Variants in CHODL observed in about 807,000 individuals in gnomAD.
The protein encoded by CHODL is chondrolectin.
CHODL carries 29 observed loss-of-function variants against 34.5 expected under a neutral mutation model. The ratio of observed to expected loss-of-function variants is 0.84; its 90% CI spans 0.63 to 1.15. The LOEUF (loss-of-function observed/expected upper bound fraction) is 1.15. CHODL is among the 50% of genes most tolerant of loss of function. The pLI is 0.00. For synonymous variants in CHODL, 125 were observed against 116.1 expected, an observed-to-expected ratio of 1.08 and a Z score of -0.49; for missense variants, 332 against 332.5, an observed-to-expected ratio of 1.00 and a Z score of 0.01.
At chr21:18,206,469 G>T (rs1361952087) in intron 2 of CHODL, among the ~76,000 whole-genome samples, 1 of 150,234 alleles carries the variant, frequency 6.7e-6, no homozygotes, top group Non-Finnish European at 1.5e-5. Flanking sequence ...GCTCTTTTTT[G>T]GTTTCCACTT....
chr21:18,251,037 C>G (rs2074230038), intron 1 of CHODL, among the ~76,000 whole-genome samples: 1 of 151,384 alleles, frequency 6.6e-6, no homozygotes, highest in Non-Finnish European at 1.5e-5. Flanking sequence ...ACTCAACTAT[C>G]AGAAAATAAA....
chr21:18,215,317 C>G (rs73204807), intron 2 of CHODL, among the ~76,000 whole-genome samples: 7,369 of 152,190 alleles, frequency 0.048, 221 homozygotes, highest in Non-Finnish European at 0.067. Context: ...ACTTCCACCT[C>G]AGGAGATAGG....
chr21:18,207,658 G>GTTTTTTT (rs1601148508), intron 2 of CHODL, among the ~76,000 whole-genome samples: 1 of 36,874 alleles, frequency 2.7e-5, no homozygotes, highest in African/African-American at 1.9e-4. Flanking sequence ...AAATCTCTCA[G>GTTTTTTT]CTTTTTTTTT....
intron 1 of CHODL, among the ~76,000 whole-genome samples, chr21:17,999,095 A>G (rs958623376): frequency 6.6e-6 from 1 of 152,172 alleles, no homozygotes; most frequent in Non-Finnish European, 1.5e-5. Flanking sequence ...TTAGAAATTT[A>G]TTCTGCTAGA....
chr21:18,094,481 A>G (rs990879210), intron 2 of CHODL, among the ~76,000 whole-genome samples: 15 of 152,190 alleles, frequency 9.9e-5, no homozygotes, highest in African/African-American at 3.1e-4. Context: ...CAAGTGTCAA[A>G]ACATTCAAAA....
At chr21:17,968,790 C>A (rs2063592950) in intron 1 of CHODL, among the ~76,000 whole-genome samples, 2 of 152,122 alleles carry the variant, frequency 1.3e-5, no homozygotes, top group Admixed American at 6.6e-5. Flanking sequence ...ATGGAAGAAT[C>A]TTTATTTTAT....
At chr21:18,241,260 A>AAAC (rs1555885222), upstream of CHODL, among the ~76,000 whole-genome samples, 1 of 151,940 alleles carries the variant, frequency 6.6e-6, no homozygotes. Context: ...AAAAAAAAAA[A>AAAC]AACTTTTTGC....
intron 1 of CHODL, among the ~76,000 whole-genome samples, chr21:17,997,678 G>T (rs956116673): frequency 6.6e-6 from 1 of 152,146 alleles, no homozygotes; most frequent in Non-Finnish European, 1.5e-5. Flanking sequence ...GGTGGCAAGA[G>T]AAAAATGAGG....
intron 2 of CHODL, among the ~76,000 whole-genome samples, chr21:18,218,676 A>G (rs930274227): frequency 6.6e-6 from 1 of 152,122 alleles, no homozygotes; most frequent in African/African-American, 2.4e-5. Context: ...CAGGCTGCAA[A>G]AATTCCAAAC....
chr21:18,042,715 A>G (rs772473893), intron 2 of CHODL, among the ~76,000 whole-genome samples: 2 of 151,942 alleles, frequency 1.3e-5, no homozygotes, highest in Non-Finnish European at 2.9e-5. Context: ...TTCAGGTAAA[A>G]TATTTTAAGA....
At chr21:18,100,202 A>ATTTTTTTT (rs2065196318) in intron 2 of CHODL, among the ~76,000 whole-genome samples, 3 of 152,150 alleles carry the variant, frequency 2.0e-5, no homozygotes, top group Admixed American at 2.0e-4. Context: ...AATATCTAAC[A>ATTTTTTTT]TGTTGAATCA....
At chr21:18,041,454 G>A (rs2064375252) in intron 2 of CHODL, among the ~76,000 whole-genome samples, 1 of 151,608 alleles carries the variant, frequency 6.6e-6, no homozygotes, top group Non-Finnish European at 1.5e-5. Flanking sequence ...TTAAATGAAA[G>A]CCATTTTATT....
chr21:17,993,304 A>G (rs1004749244), intron 1 of CHODL, among the ~76,000 whole-genome samples: 1 of 152,176 alleles, frequency 6.6e-6, no homozygotes, highest in East Asian at 1.9e-4. Context: ...TGTACAGATT[A>G]TTTCATCACC....
At chr21:18,125,654 G>A (rs2065533851) in intron 2 of CHODL, among the ~76,000 whole-genome samples, 1 of 151,874 alleles carries the variant, frequency 6.6e-6, no homozygotes. Context: ...GGAGTGCAGT[G>A]GTACGATCTC....
intron 1 of CHODL, among the ~76,000 whole-genome samples, chr21:17,975,145 G>A (rs1453158722): frequency 6.6e-6 from 1 of 152,032 alleles, no homozygotes; most frequent in African/African-American, 2.4e-5. Flanking sequence ...GGCCAAGATG[G>A]TGAAAGATTA....
rs1291031861 is a variant in CHODL, at chr21:17,982,694, TTC to T, written c.-144-45176_-144-45175del. On this transcript the variant is annotated intron_variant, in intron 1 of 6. Coordinates refer to the CHODL transcript ENST00000400127. ...CACTATAAAAATCCCCTTATATATATTCTTTTTTTTTTTTTTTTTTTTTTTTT... is the reference window on the plus strand; with the variant it reads ...CACTATAAAAATCCCCTTATATATATTTTTTTTTTTTTTTTTTTTTTTTTT... Among the ~76,000 whole-genome samples the T allele has an allele frequency of 5.2e-5, 7 of 134,550 alleles. No individual in the cohort carries two copies. In the East Asian group the frequency reaches 1.1e-3, roughly 21 times the overall value. The allele number at this position is 134,550 out of a possible 152,430, so 88.3% of individuals were successfully genotyped here.
chr21:18,176,848 G>C (rs78659551), intron 2 of CHODL, among the ~76,000 whole-genome samples: 3,353 of 152,034 alleles, frequency 0.022, 111 homozygotes, highest in African/African-American at 0.077. Context: ...GAAATTGGAG[G>C]CAAGAGTACA....
intron 1 of CHODL, among the ~76,000 whole-genome samples, chr21:17,940,125 T>G (rs1028956977): frequency 1.3e-5 from 2 of 152,226 alleles, no homozygotes; most frequent in African/African-American, 2.4e-5. Context: ...GTTCTATATG[T>G]GGTTCCACGG....
chr21:18,009,521 A>G (rs2063991484), intron 1 of CHODL, among the ~76,000 whole-genome samples: 1 of 152,148 alleles, frequency 6.6e-6, no homozygotes, highest in East Asian at 1.9e-4. Flanking sequence ...TAAAATGAGG[A>G]TAATGTTAAA....
Sources: gnomAD v4.1 joint callset for allele counts (sites outside exome capture counted in the v4.1 genomes callset) on GRCh38, gnomAD v4.1.1 for gene constraint, MANE v1.5 for transcripts, NCBI Gene and HGNC (gene_info 2026-07-23, HGNC 2026-07-21) for gene names.